POLR1C: variants seen among roughly 807,000 people sequenced by gnomAD.
The protein encoded by POLR1C is DNA-directed RNA polymerases I and III subunit RPAC1.
Under a neutral mutation model 38.3 loss-of-function variants are expected in POLR1C, and 42 were observed. The ratio of observed to expected loss-of-function variants is 1.10; its 90% CI spans 0.86 to 1.42. The LOEUF (loss-of-function observed/expected upper bound fraction) is 1.42, where lower values mean the gene tolerates loss of function less well. Among genes scored for constraint, POLR1C ranks in the 40% most tolerant of loss-of-function variants. The pLI, the probability that POLR1C is intolerant of heterozygous loss-of-function variation, is 0.00. For missense variants in POLR1C, 507 were observed against 450.5 expected (o/e 1.13, Z -1.14); for synonymous variants, 163 against 163.9 (o/e 0.99, Z 0.04).
chr6:43,558,705 A>T, intron 10 of POLR1C: 1 of 756,576 alleles, frequency 1.3e-6, no homozygotes, highest in Non-Finnish European at 2.1e-6. Flanking sequence ...CGTTTGCATG[A>T]GATATTGTAT....
At chr6:43,535,152 C>T (rs1794237621) in intron 9 of POLR1C, among the ~76,000 whole-genome samples, 2 of 150,536 alleles carry the variant, frequency 1.3e-5, no homozygotes, top group East Asian at 3.9e-4. Flanking sequence ...ATTAGCCGGA[C>T]GTGGTGGTGG....
intron 2 of POLR1C, 129 bp downstream of exon 2, chr6:43,517,506 G>A (rs538135076): frequency 1.9e-5 from 15 of 796,250 alleles, no homozygotes; most frequent in Middle Eastern, 3.5e-4. Flanking sequence ...CAATGTGCTA[G>A]ACGCTCCGTT....
intron 9 of POLR1C, chr6:43,546,898 T>TCC: frequency 1.2e-6 from 1 of 832,728 alleles, no homozygotes; most frequent in Non-Finnish European, 1.8e-6. Flanking sequence ...CAATCCCCCA[T>TCC]CCCTTCCTTT....
intron 9 of POLR1C, chr6:43,548,225 A>G: frequency 6.5e-7 from 1 of 1,530,508 alleles, no homozygotes; most frequent in South Asian, 1.3e-5. Flanking sequence ...TGGGTGCTTG[A>G]GTATAGTAAG....
intron 9 of POLR1C, among the ~76,000 whole-genome samples, chr6:43,537,622 A>G (rs942486828): frequency 2.6e-5 from 4 of 152,230 alleles, no homozygotes; most frequent in South Asian, 4.1e-4. Flanking sequence ...GCAGAGTGCC[A>G]TATGTCCTCT....
intron 10 of POLR1C, among the ~76,000 whole-genome samples, chr6:43,557,379 T>C (rs1178825111): frequency 7.1e-6 from 1 of 140,444 alleles, no homozygotes; most frequent in Non-Finnish European, 1.6e-5. Flanking sequence ...TGAGCCGAGA[T>C]TGTGCCACTG....
exon 9 of POLR1C, chr6:43,529,403 AATT>A: frequency 2.7e-6 from 1 of 364,742 alleles, no homozygotes; most frequent in Non-Finnish European, 5.1e-6. Flanking sequence ...AAAAAAAAAA[AATT>A]AGTCGGGCAT....
At chr6:43,525,331 G>C, downstream of POLR1C, 2 of 975,544 alleles carry the variant, frequency 2.1e-6, no homozygotes, top group South Asian at 3.4e-5. Context: ...CTAAAGATGG[G>C]TTTGTTTTGT....
rs946243248 is a variant in POLR1C, at chr6:43,540,858, A to T, written c.*5-10110A>T. Reference sequence around the variant, plus strand: ...CCAGCTTTATTTTTATTAAGATTTTAAAAAATTGAGGCATAATTCACATAA... The same window carrying T: ...CCAGCTTTATTTTTATTAAGATTTTTAAAAATTGAGGCATAATTCACATAA... On this transcript the variant is annotated intron_variant, in intron 9 of 10. Transcript: ENST00000607635. Among the ~76,000 whole-genome samples the T allele has an allele frequency of 3.3e-5, 5 of 152,290 alleles. 1 individual carries two copies. The highest frequency in any genetic ancestry group is 3.9e-4 in the East Asian group (2 of 5,190).
intron 9 of POLR1C, among the ~76,000 whole-genome samples, chr6:43,545,928 G>A (rs1484194232): frequency 6.6e-6 from 1 of 152,032 alleles, no homozygotes; most frequent in African/African-American, 2.4e-5. Flanking sequence ...TGTTTAATGT[G>A]TATATAAACC....
chr6:43,517,662 A>T (rs1191514629), intron 2 of POLR1C, among the ~76,000 whole-genome samples: 1 of 152,088 alleles, frequency 6.6e-6, no homozygotes, highest in Non-Finnish European at 1.5e-5. Flanking sequence ...GGTGGGGAGC[A>T]TTACGCTGAG....
rs1793016447 is a variant in POLR1C at position 43,519,327 on chromosome 6, C to T, written c.142-6C>T. The T allele has an allele frequency of 1.3e-6, 2 of 1,572,450 alleles. No individual in the cohort carries two copies. Among genetic ancestry groups the T allele is most frequent in the South Asian group, 1.1e-5 (1 of 90,198 alleles). On this transcript the variant is annotated splice_region_variant and splice_polypyrimidine_tract_variant and intron_variant, in intron 2 of 8. Transcript: ENST00000642195. ...TTCACTTAAATGTTTTTTCCTGTCCCTCTAGAATTTCCGTGTGGATGTAGT... is the reference window on the plus strand; with the variant it reads ...TTCACTTAAATGTTTTTTCCTGTCCTTCTAGAATTTCCGTGTGGATGTAGT...
At chr6:43,555,855 A>G (rs1182962166) in intron 10 of POLR1C, 2 of 1,613,832 alleles carry the variant, frequency 1.2e-6, no homozygotes, top group African/African-American at 2.7e-5. Flanking sequence ...AACCAGCATC[A>G]AGAAAAGTTG....
At chr6:43,521,525 T>A (rs1793189946), downstream of POLR1C, 2 of 1,249,744 alleles carry the variant, frequency 1.6e-6, no homozygotes, top group African/African-American at 3.1e-5. Context: ...TTTTTGAGAC[T>A]ACTTTTGAGT....
chr6:43,546,998 A>G (rs1300437773), intron 9 of POLR1C, among the ~76,000 whole-genome samples: 1 of 152,128 alleles, frequency 6.6e-6, no homozygotes, highest in African/African-American at 2.4e-5. Flanking sequence ...CTGTCTTTCT[A>G]GGAGCTGCAG....
intron 8 of POLR1C, chr6:43,526,821 A>G: frequency 2.0e-6 from 3 of 1,492,866 alleles, no homozygotes; most frequent in Non-Finnish European, 2.8e-6. Flanking sequence ...AGGCCCACTG[A>G]TCCCAACCTG....
At chr6:43,558,653 G>T in intron 10 of POLR1C, 1 of 1,286,096 alleles carries the variant, frequency 7.8e-7, no homozygotes, top group Non-Finnish European at 1.1e-6. Flanking sequence ...GAGTTTTTAA[G>T]CTTCAGGAGT....
At chr6:43,532,376 G>C (rs985990864), downstream of POLR1C, among the ~76,000 whole-genome samples, 1 of 152,186 alleles carries the variant, frequency 6.6e-6, no homozygotes, top group Middle Eastern at 3.4e-3. Context: ...GACCACAGCC[G>C]GGCTCAGACA....
At chr6:43,526,937 C>T (rs1427987257) in intron 8 of POLR1C, 2 of 588,246 alleles carry the variant, frequency 3.4e-6, no homozygotes, top group African/African-American at 1.9e-5. Context: ...CTGTTTTGGT[C>T]CTTCAAGTTC....
Sources: gnomAD v4.1 joint callset for allele counts (sites outside exome capture counted in the v4.1 genomes callset) on GRCh38, gnomAD v4.1.1 for gene constraint, MANE v1.5 for transcripts, NCBI Gene and HGNC (gene_info 2026-07-23, HGNC 2026-07-21) for gene names.